Variants in POU6F1 observed in about 807,000 individuals in gnomAD.
POU6F1 encodes POU domain, class 6, transcription factor 1.
POU6F1 carries 9 observed loss-of-function variants against 28.9 expected under a neutral mutation model. The observed-to-expected ratio is 0.31, with a 90% CI of 0.19 to 0.54. POU6F1 has a LOEUF of 0.54. Among genes scored for constraint, POU6F1 ranks in the 20% least tolerant of loss-of-function variants. The pLI is 0.94. For synonymous variants in POU6F1, 173 were observed against 171.1 expected (o/e 1.01, Z -0.09); for missense variants, 338 against 426.1 (o/e 0.79, Z 1.82).
At position 51,190,839 on chromosome 12, in the gene POU6F1, A is replaced by G. The variant is rs1203145193; in HGVS notation, c.1491-247T>C. Among the ~76,000 whole-genome samples the G allele has an allele frequency of 1.3e-5, 2 of 152,122 alleles. No individual in the cohort carries two copies. The highest frequency in any genetic ancestry group is 6.5e-5 in the Admixed American group (1 of 15,276). On this transcript the variant is annotated intron_variant, in intron 10 of 10. Transcript: ENST00000333640. The surrounding 1 kb of genome is among the most constrained non-coding windows in gnomAD (Gnocchi z 4.5). ...TTCCCACGGCCTCGGCTCAGTCAGTAGTGGAATAATAATAGTGCAACTGCC... is the reference window on the plus strand; with the variant it reads ...TTCCCACGGCCTCGGCTCAGTCAGTGGTGGAATAATAATAGTGCAACTGCC...
intron 8 of POU6F1, among the ~76,000 whole-genome samples, chr12:51,193,022 A>G (rs1021300681): frequency 2.0e-5 from 3 of 152,236 alleles, no homozygotes; most frequent in African/African-American, 7.2e-5. Flanking sequence ...TTCACACCCA[A>G]CTGTGACACA....
At chr12:51,204,692 G>A (rs982975254) in intron 2 of POU6F1, among the ~76,000 whole-genome samples, 2 of 152,132 alleles carry the variant, frequency 1.3e-5, no homozygotes, top group Non-Finnish European at 2.9e-5. Context: ...AGGGAGCGGC[G>A]GATGGCCTAT....
At chr12:51,214,141 C>CA (rs34500149) in intron 1 of POU6F1, among the ~76,000 whole-genome samples, 9,852 of 149,910 alleles carry the variant, frequency 0.066, 549 homozygotes, top group East Asian at 0.17. Context: ...GACTCTATGT[C>CA]AAAAAAATAA....
At chr12:51,211,192 G>A (rs1452241818) in intron 1 of POU6F1, among the ~76,000 whole-genome samples, 1 of 152,218 alleles carries the variant, frequency 6.6e-6, no homozygotes, top group African/African-American at 2.4e-5. Context: ...CCAGGGAGGA[G>A]AGACAATCAG....
rs759116871 is a variant in POU6F1 at position 51,192,322 on chromosome 12, C to T, written c.1321+8G>A. On this transcript the variant is annotated splice_region_variant and intron_variant, in intron 9 of 10. Transcript: ENST00000333640. ...CTTCTCCACACTACTTCTCCAGGAG[C>T]CACTTACTGGACACCAACTGGCTGA... 6.3e-5 allele frequency: 101 copies of T among 1,613,702 alleles called. 1 individual carries two copies. In the South Asian group the frequency reaches 1.0e-3, roughly 17 times the overall value.
chr12:51,198,171 A>G (rs1467645847), intron 5 of POU6F1, 148 bp from the exon 6 acceptor site: 6 of 397,574 alleles, frequency 1.5e-5, no homozygotes, highest in Non-Finnish European at 2.7e-5. Context: ...TGATCCTTGA[A>G]GGGCTGGCGC....
intron 2 of POU6F1, 36 bp from the exon 3 acceptor site, chr12:51,204,404 G>A (rs1943431439): frequency 2.5e-6 from 1 of 399,032 alleles, no homozygotes; most frequent in African/African-American, 2.1e-5. Context: ...TTGGGATAGG[G>A]GCCAGTATAG....
At chr12:51,192,306 A>G in intron 9 of POU6F1, 24 bp downstream of exon 9, 1 of 1,612,390 alleles carries the variant, frequency 6.2e-7, no homozygotes, top group Non-Finnish European at 8.5e-7. Flanking sequence ...ACTTCTCCAC[A>G]CTACTTCTCC....
chr12:51,192,334 C>T lies in POU6F1; in HGVS notation c.1317G>A (p.Val439=). The T allele has an allele frequency of 6.2e-7, 1 of 1,613,944 alleles. No homozygotes were observed. Among genetic ancestry groups the T allele is most frequent in the Non-Finnish European group, 8.5e-7 (1 of 1,179,900 alleles). Residue 439 remains valine (V), a synonymous_variant, in exon 9 of 11, where the codon GTG becomes GTA. Transcript: ENST00000333640. ...ACTTCTCCAGGAGCCACTTACTGGA[C>T]ACCAACTGGCTGACGGTGGGGGTCT... is the stretch of plus-strand genomic sequence containing the variant. ...CSETPTVSQL[V]SKPHTPSLDE...
At chr12:51,193,838 GA>G (rs1269241164) in intron 8 of POU6F1, among the ~76,000 whole-genome samples, 3 of 152,004 alleles carry the variant, frequency 2.0e-5, no homozygotes, top group South Asian at 4.2e-4. Flanking sequence ...TGATTAAAAA[GA>G]AAAAAAGCTT....
intron 10 of POU6F1, among the ~76,000 whole-genome samples, chr12:51,191,092 C>T (rs1405423849): frequency 6.6e-6 from 1 of 152,190 alleles, no homozygotes; most frequent in Non-Finnish European, 1.5e-5. Flanking sequence ...ACCTTTTGGC[C>T]ATCCCTGAGC....
chr12:51,193,461 G>A (rs897932307), intron 8 of POU6F1, among the ~76,000 whole-genome samples: 9 of 152,040 alleles, frequency 5.9e-5, no homozygotes, highest in Admixed American at 1.3e-4. Flanking sequence ...CTATAATCCC[G>A]GCTACTGGGG....
At chr12:51,216,062 A>C (rs1944271936) in intron 1 of POU6F1, among the ~76,000 whole-genome samples, 1 of 152,218 alleles carries the variant, frequency 6.6e-6, no homozygotes, top group Non-Finnish European at 1.5e-5. Flanking sequence ...TCACGCCTGT[A>C]ATCCCAGCAC....
chr12:51,207,116 C>A lies in POU6F1; in HGVS notation c.-47-233G>T, dbSNP rs569711360. The A allele has an allele frequency of 8.6e-5, 21 of 243,370 alleles. No individual in the cohort carries two copies. The East Asian group carries it at 1.4e-3, about 16-fold the overall frequency. 15.1% of individuals were successfully genotyped at this position (243,370 alleles called of 1,614,324 possible). ...TGTGCTCACTGCAGCCTCTGCCCCT[C>A]GGGTTAAACCAATTCTCCTGCCTCA... On this transcript the variant is annotated intron_variant, in intron 1 of 10. Coordinates refer to ENST00000333640, the MANE Select transcript of POU6F1 (RefSeq NM_001330422.2).
At position 51,193,214 on chromosome 12, in the gene POU6F1, T is replaced by C. The variant is rs183802085; in HGVS notation, c.1180-743A>G. On this transcript the variant is annotated intron_variant, in intron 8 of 10. Transcript: ENST00000333640. ...ACTGGCAGATGGCTTTTGGTATCTC[T>C]CTACCAAGACAGACTGTGCAGCCAT... Among the ~76,000 whole-genome samples the C allele has an allele frequency of 2.6e-3, 390 of 152,352 alleles. 1 individual carries two copies. Among genetic ancestry groups the C allele is most frequent in the Non-Finnish European group, 4.3e-3 (290 of 68,034 alleles).
In POU6F1 at chr12:51,217,451, G is replaced by A. The variant is rs998419653; in HGVS notation, c.-48+191C>T. 3.3e-5 allele frequency among the ~76,000 whole-genome samples: 5 copies of A among 151,948 alleles called. No homozygotes were observed. The highest frequency in any genetic ancestry group is 5.9e-5 in the Non-Finnish European group (4 of 67,954). ...CAGCTGGGCAACCGCGCGCTGTCCC[G>A]CTCCCGCAGCTCCCCGCCGCCCCGG... On this transcript the variant is annotated intron_variant, in intron 1 of 10. Transcript: ENST00000333640. This position sits in a 1 kb window ranked among gnomAD's most constrained non-coding sequence, Gnocchi z 5.3.
rs371340446 is a variant in POU6F1, at chr12:51,215,326, G to A, written c.-48+2316C>T. Reference sequence around the variant, plus strand: ...TCCTAGCACTTTGGGAGGCCGAGGCGGGCGGATTACTTGAGGTCAGAAGTT... The same window carrying A: ...TCCTAGCACTTTGGGAGGCCGAGGCAGGCGGATTACTTGAGGTCAGAAGTT... On this transcript the variant is annotated intron_variant, in intron 1 of 10. Coordinates refer to ENST00000333640, the MANE Select transcript of POU6F1 (RefSeq NM_001330422.2). Among the ~76,000 whole-genome samples the A allele has an allele frequency of 5.3e-4, 80 of 152,068 alleles. No individual in the cohort carries two copies. The East Asian group carries it at 6.0e-3, about 11-fold the overall frequency.
chr12:51,211,056 G>A (rs573529268), intron 1 of POU6F1, among the ~76,000 whole-genome samples: 6 of 152,200 alleles, frequency 3.9e-5, no homozygotes, highest in Non-Finnish European at 8.8e-5. Context: ...GCTGTGGCTT[G>A]GTTCCAGTGA....
chr12:51,192,228 CT>C, intron 9 of POU6F1, 101 bp downstream of exon 9: 1 of 1,482,842 alleles, frequency 6.7e-7, no homozygotes, highest in South Asian at 1.3e-5. Flanking sequence ...TGCCCTTCCC[CT>C]CTGGACCCCA....
Sources: gnomAD v4.1 joint callset for allele counts (sites outside exome capture counted in the v4.1 genomes callset) on GRCh38, gnomAD v4.1.1 for gene constraint, Gnocchi (gnomAD v3.1) non-coding constraint, MANE v1.5 for transcripts, NCBI Gene and HGNC (gene_info 2026-07-23, HGNC 2026-07-21) for gene names.